ZSCAN4: variants seen among roughly 807,000 people sequenced by gnomAD.
ZSCAN4 encodes the protein zinc finger and SCAN domain containing 4, also known as zinc finger and SCAN domain-containing protein 4.
In ZSCAN4, 18 loss-of-function variants were observed where a neutral mutation model predicts 18.3. The observed-to-expected ratio is 0.98, with a 90% confidence interval of 0.68 to 1.46. The LOEUF (loss-of-function observed/expected upper bound fraction) is 1.46. ZSCAN4 is among the 40% of genes most tolerant of loss of function. The pLI, the probability that ZSCAN4 is intolerant of heterozygous loss-of-function variation, is 0.00. For missense variants in ZSCAN4, 498 were observed against 511.4 expected (o/e 0.97, Z 0.25); for synonymous variants, 193 against 180.3 (o/e 1.07, Z -0.57).
chr19:57,676,406 A>G, exon 3 of ZSCAN4: 1 of 1,614,232 alleles, frequency 6.2e-7, no homozygotes, highest in Non-Finnish European at 8.5e-7. Context: ...TTTCTCTATT[A>G]GTCCTGGAGC....
the ZSCAN4 span, among the ~76,000 whole-genome samples, chr19:57,658,971 G>A: frequency 2.8e-4 from 42 of 152,062 alleles, no homozygotes; most frequent in African/African-American, 9.9e-4. Context: ...ATATTTTCGG[G>A]ACCAGAAACC....
chr19:57,677,960 T>C, exon 4 of ZSCAN4: 2 of 1,586,562 alleles, frequency 1.3e-6, no homozygotes, highest in Non-Finnish European at 8.5e-7. Flanking sequence ...TCTGAGGATA[T>C]GCCCTTAAGA....
chr19:57,660,865 T>C, the ZSCAN4 span, among the ~76,000 whole-genome samples: 2 of 152,160 alleles, frequency 1.3e-5, no homozygotes, highest in African/African-American at 4.8e-5. Context: ...TTACCTCCCC[T>C]GGCCCCCAGT....
upstream of ZSCAN4, among the ~76,000 whole-genome samples, chr19:57,665,848 G>T (rs780857406): frequency 6.6e-6 from 1 of 152,128 alleles, no homozygotes; most frequent in African/African-American, 2.4e-5. Context: ...GGAGGTGGAG[G>T]TTGTGGTAAA....
At chr19:57,660,595 G>C in the ZSCAN4 span, among the ~76,000 whole-genome samples, 1 of 152,290 alleles carries the variant, frequency 6.6e-6, no homozygotes, top group East Asian at 1.9e-4. Context: ...AGGGTTGTGA[G>C]TTTCAGCCAT....
chr19:57,678,528 C>T lies in ZSCAN4; in HGVS notation c.925C>T (p.Gln309Ter). 1 of 1,614,044 alleles carries T rather than the reference C, an allele frequency of 6.2e-7. No individual in the cohort carries two copies. The highest frequency in any genetic ancestry group is 1.7e-5 in the Admixed American group (1 of 60,016). Residue 309 changes from glutamine to a stop codon, truncating the protein, a stop_gained, in exon 5 of 5, where the codon CAA becomes TAA. Transcript: ENST00000318203. LOFTEE classifies it low-confidence loss of function (END_TRUNC). The stretch of plus-strand genomic sequence containing the variant: ...ACATCAGAAAGGATCCCATGGAGTC[C>T]AAAAATCATACAAATGTGAAGAATG...
exon 5 of ZSCAN4, chr19:57,678,642 A>G (rs143179710): frequency 1.2e-6 from 2 of 1,613,980 alleles, no homozygotes; most frequent in African/African-American, 2.7e-5. Context: ...CGAGTGTCAA[A>G]AAGGCTTCTT....
chr19:57,651,539 G>A, the ZSCAN4 span, among the ~76,000 whole-genome samples: 2 of 152,178 alleles, frequency 1.3e-5, no homozygotes, highest in Admixed American at 1.3e-4. Flanking sequence ...GTAAGCAGGG[G>A]TGGACTCCAG....
At chr19:57,672,890 A>G (rs537561077) in intron 2 of ZSCAN4, among the ~76,000 whole-genome samples, 1 of 151,660 alleles carries the variant, frequency 6.6e-6, no homozygotes, top group African/African-American at 2.4e-5. Context: ...GGGTGAGCCA[A>G]TTATCTTTTT....
At chr19:57,663,700 C>A in the ZSCAN4 span, among the ~76,000 whole-genome samples, 1 of 95,050 alleles carries the variant, frequency 1.1e-5, no homozygotes, top group East Asian at 2.7e-4. Context: ...AGAGTGACAA[C>A]CTGTCTCAAA....
upstream of ZSCAN4, among the ~76,000 whole-genome samples, chr19:57,666,177 T>G (rs9304795): frequency 6.6e-6 from 1 of 151,986 alleles, no homozygotes; most frequent in Non-Finnish European, 1.5e-5. Context: ...CTACAGGTCC[T>G]GTACAGACTC....
the ZSCAN4 span, among the ~76,000 whole-genome samples, chr19:57,658,155 C>G: frequency 1.5e-3 from 234 of 152,254 alleles, 2 homozygotes; most frequent in Admixed American, 0.013. Context: ...ATAGAATATT[C>G]CTCATAAATG....
exon 5 of ZSCAN4, chr19:57,678,937 A>G: frequency 6.5e-7 from 1 of 1,531,914 alleles, no homozygotes; most frequent in South Asian, 1.3e-5. Flanking sequence ...ATAAATATGT[A>G]TGCAAGTATG....
chr19:57,665,771 G>A (rs1422449361), upstream of ZSCAN4, among the ~76,000 whole-genome samples: 2 of 152,178 alleles, frequency 1.3e-5, no homozygotes, highest in South Asian at 2.1e-4. Context: ...TACAAAATAA[G>A]CTGGGCAGCC....
intron 3 of ZSCAN4, among the ~76,000 whole-genome samples, chr19:57,677,515 T>C (rs565745510): frequency 6.6e-6 from 1 of 152,246 alleles, no homozygotes; most frequent in Admixed American, 6.5e-5. Context: ...TGCAGGAAAG[T>C]TGCTATGTAT....
chr19:57,654,476 C>T, the ZSCAN4 span, among the ~76,000 whole-genome samples: 1 of 152,122 alleles, frequency 6.6e-6, no homozygotes, highest in African/African-American at 2.4e-5. Context: ...TTTGTCAGCC[C>T]AGTACCTCCT....
the ZSCAN4 span, among the ~76,000 whole-genome samples, chr19:57,652,358 T>C: frequency 2.0e-5 from 3 of 152,178 alleles, no homozygotes; most frequent in Non-Finnish European, 4.4e-5. Flanking sequence ...CTTTCTCCAA[T>C]GCAATGGTAA....
chr19:57,669,286 C>T (rs569777904), intron 1 of ZSCAN4, 83 bp downstream of exon 1: 1 of 152,104 alleles, frequency 6.6e-6, no homozygotes, highest in East Asian at 1.9e-4. Context: ...GTCTCAAACT[C>T]CTGACCTCAT....
At chr19:57,654,230 C>T in the ZSCAN4 span, among the ~76,000 whole-genome samples, 1 of 152,154 alleles carries the variant, frequency 6.6e-6, no homozygotes, top group African/African-American at 2.4e-5. Flanking sequence ...CAATGTCCCA[C>T]CCCTATTTTG....
Sources: gnomAD v4.1 joint callset for allele counts (sites outside exome capture counted in the v4.1 genomes callset) on GRCh38, gnomAD v4.1.1 for gene constraint, MANE v1.5 for transcripts, NCBI Gene and HGNC (gene_info 2026-07-23, HGNC 2026-07-21) for gene names.